ETS1: variants seen among roughly 807,000 people sequenced by gnomAD.
ETS1 encodes ETS proto-oncogene 1, transcription factor.
Under a neutral mutation model 58.6 loss-of-function variants are expected in ETS1, and 15 were observed. The ratio of observed to expected loss-of-function variants is 0.26; its 90% CI spans 0.17 to 0.39. The LOEUF is 0.39. Ranked by LOEUF, ETS1 falls within the 10% of genes least tolerant of loss-of-function variation. The pLI is 1.00. For missense variants in ETS1, 417 were observed against 610.5 expected (o/e 0.68, Z 3.34); for synonymous variants, 214 against 218.2 (o/e 0.98, Z 0.17).
intron 3 of ETS1, among the ~76,000 whole-genome samples, chr11:128,491,363 A>G (rs1231758943): frequency 2.6e-5 from 4 of 152,222 alleles, no homozygotes; most frequent in Non-Finnish European, 5.9e-5. Flanking sequence ...TACACAGTTA[A>G]ATGTTCAAAT....
chr11:128,528,758 T>C (rs993708598), intron 3 of ETS1, among the ~76,000 whole-genome samples: 1 of 152,192 alleles, frequency 6.6e-6, no homozygotes, highest in African/African-American at 2.4e-5. Context: ...TGCCCAAAGT[T>C]TAAGATTAAA....
chr11:128,491,890 C>G (rs942260891), intron 3 of ETS1, among the ~76,000 whole-genome samples: 1 of 152,132 alleles, frequency 6.6e-6, no homozygotes, highest in African/African-American at 2.4e-5. Flanking sequence ...TTTGCCACAC[C>G]CACATGCACC....
At chr11:128,518,470 C>A (rs971004619) in intron 3 of ETS1, among the ~76,000 whole-genome samples, 1 of 152,158 alleles carries the variant, frequency 6.6e-6, no homozygotes, top group Non-Finnish European at 1.5e-5. Flanking sequence ...TAGATTTAAT[C>A]CTGATATTCA....
In ETS1 at chr11:128,573,717, G is replaced by A. The variant is rs536227713; in HGVS notation, c.-14-573C>T. On this transcript the variant is annotated intron_variant, in intron 1 of 9. Transcript: ENST00000392668. ...GAGAAGGGCTATTAAATAACTTGTT[G>A]AGAGCTATTTTCTACATTGGAAGTC... 1.6e-4 allele frequency among the ~76,000 whole-genome samples: 25 copies of A among 152,296 alleles called. No homozygotes were observed. In the South Asian group the frequency reaches 5.2e-3, roughly 32 times the overall value.
chr11:128,482,395 G>T (rs980473940), intron 7 of ETS1, among the ~76,000 whole-genome samples: 2 of 152,104 alleles, frequency 1.3e-5, no homozygotes, highest in African/African-American at 4.8e-5. Context: ...CATCAACACC[G>T]CACCAAGTCG....
chr11:128,557,864 AC>A (rs1317752370), intron 2 of ETS1, among the ~76,000 whole-genome samples: 2 of 152,218 alleles, frequency 1.3e-5, no homozygotes, highest in African/African-American at 4.8e-5. Context: ...TGGAGAACTT[AC>A]GTCTTCTCTT....
At chr11:128,492,754 C>T (rs1014534021) in intron 3 of ETS1, among the ~76,000 whole-genome samples, 7 of 152,080 alleles carry the variant, frequency 4.6e-5, no homozygotes, top group African/African-American at 1.7e-4. Context: ...AACAGCTAAG[C>T]GGCAGGTCCA....
At chr11:128,534,208 C>T (rs1049413225) in intron 3 of ETS1, among the ~76,000 whole-genome samples, 68 of 152,178 alleles carry the variant, frequency 4.5e-4, no homozygotes, top group African/African-American at 1.6e-3. Context: ...ACTTTTCAAA[C>T]TAGTCTTTGA....
At chr11:128,544,220 T>C (rs1864096289) in intron 3 of ETS1, among the ~76,000 whole-genome samples, 1 of 151,568 alleles carries the variant, frequency 6.6e-6, no homozygotes, top group South Asian at 2.1e-4. Flanking sequence ...TAAATTATAT[T>C]AAAAGCTCTT....
intron 3 of ETS1, among the ~76,000 whole-genome samples, chr11:128,547,223 AG>A (rs1201245557): frequency 6.6e-6 from 1 of 152,340 alleles, no homozygotes; most frequent in East Asian, 1.9e-4. Flanking sequence ...GTACTCTAGA[AG>A]TACAATGTGC....
intron 3 of ETS1, among the ~76,000 whole-genome samples, chr11:128,551,230 C>T (rs571214539): frequency 2.0e-5 from 3 of 152,338 alleles, no homozygotes; most frequent in African/African-American, 7.2e-5. Context: ...CTCCATTTAA[C>T]AAGTCTCTCT....
chr11:128,511,576 T>C (rs936988766), intron 3 of ETS1, among the ~76,000 whole-genome samples: 1 of 152,232 alleles, frequency 6.6e-6, no homozygotes, highest in Non-Finnish European at 1.5e-5. Flanking sequence ...CAGTGCTACC[T>C]GCTCAAAGCT....
chr11:128,572,775 T>C (rs185894310), intron 2 of ETS1, among the ~76,000 whole-genome samples: 1 of 152,370 alleles, frequency 6.6e-6, no homozygotes, highest in East Asian at 1.9e-4. Context: ...AACTGGGCAG[T>C]GAAAATCAAC....
chr11:128,511,842 C>T (rs570636860), intron 3 of ETS1, among the ~76,000 whole-genome samples: 3 of 152,304 alleles, frequency 2.0e-5, no homozygotes, highest in South Asian at 2.1e-4. Context: ...TCTAACTCTC[C>T]GCTTATTTGC....
At chr11:128,478,273 A>AG (rs1862376923) in intron 8 of ETS1, among the ~76,000 whole-genome samples, 3 of 139,696 alleles carry the variant, frequency 2.1e-5, no homozygotes, top group Admixed American at 7.1e-5. Flanking sequence ...GAAAGGAGGG[A>AG]GGAAGGGAGG....
chr11:128,524,659 A>T (rs1288555764), intron 3 of ETS1, among the ~76,000 whole-genome samples: 1 of 152,170 alleles, frequency 6.6e-6, no homozygotes, highest in East Asian at 1.9e-4. Flanking sequence ...GTTCATATGG[A>T]CTTTAAATGA....
Position 128,556,286 on chromosome 11 carries a change from C to A in ETS1, c.214+5G>T, listed in dbSNP as rs1565408405. The A allele has an allele frequency of 4.4e-6, 7 of 1,602,818 alleles. No homozygotes were observed. In the East Asian group the frequency reaches 1.1e-4, roughly 26 times the overall value. On this transcript the variant is annotated splice_donor_5th_base_variant and intron_variant, in intron 3 of 9. Transcript: ENST00000392668. ...CTCATTCCCAGCTTTTGTTTATGTTCCTACCTGAGACACAGTGTTCAAGAC... is the reference window on the plus strand; with the variant it reads ...CTCATTCCCAGCTTTTGTTTATGTTACTACCTGAGACACAGTGTTCAAGAC...
At chr11:128,468,508 C>T (rs11221320) in intron 8 of ETS1, among the ~76,000 whole-genome samples, 51,053 of 152,076 alleles carry the variant, frequency 0.34, 9,972 homozygotes, top group Admixed American at 0.51. Flanking sequence ...GACATCCTCA[C>T]AGCAAGTGAA....
intron 3 of ETS1, chr11:128,536,782 T>C (rs1423332499): frequency 2.6e-5 from 4 of 152,218 alleles, no homozygotes; most frequent in Non-Finnish European, 5.9e-5. Flanking sequence ...GGCCTTGTAA[T>C]TCTGCAAATC....
Sources: gnomAD v4.1 joint callset for allele counts (sites outside exome capture counted in the v4.1 genomes callset) on GRCh38, gnomAD v4.1.1 for gene constraint, MANE v1.5 for transcripts, NCBI Gene and HGNC (gene_info 2026-07-23, HGNC 2026-07-21) for gene names.